ADGRD1: variants seen among roughly 807,000 people sequenced by gnomAD.
ADGRD1 encodes the protein G-protein coupled receptor 133.
Under a neutral mutation model 113.4 loss-of-function variants are expected in ADGRD1, and 77 were observed. The ratio of observed to expected loss-of-function variants is 0.68; its 90% confidence interval spans 0.57 to 0.82. The LOEUF is 0.82. Among genes scored for constraint, ADGRD1 ranks in the 40% least tolerant of loss-of-function variants. The pLI is 0.00. For missense variants in ADGRD1, 1,036 were observed against 1,139.1 expected (o/e 0.91, Z 1.30); for synonymous variants, 474 against 475.0 (o/e 1.00, Z 0.03).
chr12:131,120,572 T>C (rs1409041983), intron 19 of ADGRD1: 1 of 546,174 alleles, frequency 1.8e-6, no homozygotes, highest in African/African-American at 1.9e-5. Flanking sequence ...CCAGCAAAGG[T>C]CTATTTCCTA....
intron 8 of ADGRD1, among the ~76,000 whole-genome samples, chr12:130,996,993 G>A (rs1593321994): frequency 7.3e-6 from 1 of 137,028 alleles, no homozygotes; most frequent in African/African-American, 2.8e-5. Flanking sequence ...GGATGGGGCG[G>A]CTGGCCAGGC....
chr12:131,134,141 C>T (rs769630598), intron 21 of ADGRD1, among the ~76,000 whole-genome samples: 8 of 152,168 alleles, frequency 5.3e-5, no homozygotes, highest in East Asian at 1.9e-4. Context: ...ACCCTGGGGG[C>T]GGGGGCGTGA....
intron 15 of ADGRD1, among the ~76,000 whole-genome samples, chr12:131,094,007 C>T (rs1459889415): frequency 6.6e-6 from 1 of 150,700 alleles, no homozygotes; most frequent in Non-Finnish European, 1.5e-5. Context: ...CCCTGAGCAC[C>T]CAGCCTCAGC....
intron 13 of ADGRD1, among the ~76,000 whole-genome samples, chr12:131,028,415 G>T (rs1303038991): frequency 6.6e-6 from 1 of 152,062 alleles, no homozygotes; most frequent in Non-Finnish European, 1.5e-5. Context: ...GACTTCGATG[G>T]TGTCTGCTGG....
intron 13 of ADGRD1, among the ~76,000 whole-genome samples, chr12:131,074,444 G>A (rs1885419971): frequency 6.6e-6 from 1 of 152,224 alleles, no homozygotes; most frequent in African/African-American, 2.4e-5. Context: ...TCCACAGGGA[G>A]GGAGCGCCTC....
chr12:130,969,282 C>T, intron 3 of ADGRD1: 1 of 522,400 alleles, frequency 1.9e-6, no homozygotes, highest in Non-Finnish European at 3.4e-6. Context: ...GAACAGGGGT[C>T]CCCAGTCCCT....
chr12:131,089,290 C>A (rs963665772), intron 15 of ADGRD1, among the ~76,000 whole-genome samples: 1 of 152,194 alleles, frequency 6.6e-6, no homozygotes, highest in Non-Finnish European at 1.5e-5. Flanking sequence ...TAAAAAGGAG[C>A]CCGAACCAAG....
intron 13 of ADGRD1, among the ~76,000 whole-genome samples, chr12:131,054,680 G>T (rs1883698311): frequency 2.0e-5 from 3 of 152,172 alleles, no homozygotes; most frequent in African/African-American, 7.2e-5. Context: ...GAGAACTCGA[G>T]GGGCCCTCCA....
At chr12:131,043,126 G>A (rs1469773882) in intron 13 of ADGRD1, among the ~76,000 whole-genome samples, 2 of 152,234 alleles carry the variant, frequency 1.3e-5, no homozygotes, top group Non-Finnish European at 2.9e-5. Context: ...AAAGTGCAGG[G>A]TGGGGTTGGG....
intron 13 of ADGRD1, among the ~76,000 whole-genome samples, chr12:131,053,564 G>A (rs770701033): frequency 2.6e-5 from 4 of 152,076 alleles, no homozygotes; most frequent in African/African-American, 4.8e-5. Context: ...CCATAAACAG[G>A]GCTGTTTTTA....
chr12:130,996,527 G>A (rs1875393525), intron 8 of ADGRD1, among the ~76,000 whole-genome samples: 1 of 128,912 alleles, frequency 7.8e-6, no homozygotes, highest in Admixed American at 7.4e-5. Flanking sequence ...TGGCCGGGCG[G>A]GGGGCTGACC....
chr12:131,048,358 A>C (rs1359136919), intron 13 of ADGRD1, among the ~76,000 whole-genome samples: 1 of 152,118 alleles, frequency 6.6e-6, no homozygotes, highest in Non-Finnish European at 1.5e-5. Context: ...CCAGGAGTGC[A>C]CCTATGTCTG....
intron 18 of ADGRD1, among the ~76,000 whole-genome samples, chr12:131,117,647 C>T (rs1447426005): frequency 6.6e-6 from 1 of 152,192 alleles, no homozygotes; most frequent in Non-Finnish European, 1.5e-5. Context: ...TTTGATGTTC[C>T]AGTCAGCCAG....
chr12:131,131,311 G>A (rs777789446), intron 20 of ADGRD1, among the ~76,000 whole-genome samples: 6 of 152,244 alleles, frequency 3.9e-5, no homozygotes, highest in Non-Finnish European at 8.8e-5. Flanking sequence ...CAGCTCCTGT[G>A]CCGGGGCCTG....
intron 20 of ADGRD1, among the ~76,000 whole-genome samples, chr12:131,125,768 A>G (rs1446302865): frequency 2.0e-5 from 3 of 152,248 alleles, no homozygotes; most frequent in African/African-American, 4.8e-5. Context: ...TTTAATACAT[A>G]TAACCTACAG....
chr12:131,015,132 C>T (rs573162183), intron 13 of ADGRD1, among the ~76,000 whole-genome samples: 1 of 152,384 alleles, frequency 6.6e-6, no homozygotes, highest in South Asian at 2.1e-4. Flanking sequence ...TTCTGTTTCA[C>T]TCTGCTCTAT....
In ADGRD1 at chr12:131,075,021, G is replaced by A. The variant is rs578139689; in HGVS notation, c.1474-1780G>A. ...GCGCTTCCACACGTGGGGCAGAGGC[G>A]GGGGCTGGCACTGGGTGAGGGGGTG... On this transcript the variant is annotated intron_variant, in intron 13 of 24. Coordinates refer to ENST00000261654, the MANE Select transcript of ADGRD1 (RefSeq NM_198827.5). The surrounding 1 kb of genome is among the most constrained non-coding windows in gnomAD (Gnocchi z 5.3). 1.3e-5 allele frequency among the ~76,000 whole-genome samples: 2 copies of A among 152,340 alleles called. No homozygotes were observed. Among genetic ancestry groups the A allele is most frequent in the South Asian group, 2.1e-4 (1 of 4,816 alleles).
chr12:131,061,336 G>T (rs923787145), intron 13 of ADGRD1, among the ~76,000 whole-genome samples: 1 of 152,096 alleles, frequency 6.6e-6, no homozygotes. Context: ...GTCACCTGCC[G>T]TCCCCGTCAC....
intron 13 of ADGRD1, among the ~76,000 whole-genome samples, chr12:131,058,955 C>T (rs1444444629): frequency 1.3e-5 from 2 of 152,148 alleles, no homozygotes; most frequent in South Asian, 2.1e-4. Context: ...CAACCCCACT[C>T]CCTTTCTCTT....
Sources: allele counts gnomAD v4.1 joint callset (sites outside exome capture counted in the v4.1 genomes callset), GRCh38; gene constraint gnomAD v4.1.1; non-coding constraint Gnocchi (gnomAD v3.1); transcripts MANE v1.5; gene names NCBI Gene and HGNC (gene_info 2026-07-23, HGNC 2026-07-21).